Variants in APBB2 observed in about 807,000 individuals in gnomAD.
APBB2 encodes amyloid beta precursor protein binding family B member 2, also known as Fe65-like 1.
APBB2 carries 38 observed loss-of-function variants against 82.5 expected under a neutral mutation model. That is an observed-to-expected ratio of 0.46 (90% CI 0.36 to 0.60). The LOEUF is 0.60. Ranked by LOEUF, APBB2 falls within the 20% of genes least tolerant of loss-of-function variation. The pLI is 0.00. For synonymous variants in APBB2, 341 were observed against 368.2 expected (o/e 0.93, Z 0.85); for missense variants, 772 against 972.3 (o/e 0.79, Z 2.74).
intron 6 of APBB2, among the ~76,000 whole-genome samples, chr4:40,975,406 C>A (rs1200319747): frequency 1.3e-5 from 2 of 152,132 alleles, no homozygotes; most frequent in African/African-American, 4.8e-5. Flanking sequence ...CTCCCCTGCA[C>A]CACAGTGCTT....
At chr4:40,928,005 A>T (rs1018913026) in intron 10 of APBB2, among the ~76,000 whole-genome samples, 8 of 152,220 alleles carry the variant, frequency 5.3e-5, no homozygotes, top group African/African-American at 1.9e-4. Flanking sequence ...AAAGGGCTAA[A>T]TTCCAAATCT....
chr4:41,070,503 C>G (rs1733441910), intron 3 of APBB2, among the ~76,000 whole-genome samples: 1 of 152,066 alleles, frequency 6.6e-6, no homozygotes, highest in Non-Finnish European at 1.5e-5. Flanking sequence ...GGTTTTACCA[C>G]ATTGGCCAGG....
intron 6 of APBB2, among the ~76,000 whole-genome samples, chr4:40,955,785 T>C (rs1791471187): frequency 6.6e-6 from 1 of 151,990 alleles, no homozygotes; most frequent in Non-Finnish European, 1.5e-5. Context: ...TTTCTTTTTT[T>C]TTTTCTTTGA....
intron 3 of APBB2, among the ~76,000 whole-genome samples, chr4:41,097,065 T>C (rs568580137): frequency 1.5e-4 from 23 of 152,376 alleles, no homozygotes; most frequent in Admixed American, 1.4e-3. Context: ...TTCCAAAATC[T>C]ATCAGTGTTC....
At chr4:41,203,800 C>G (rs1777295422) in intron 1 of APBB2, among the ~76,000 whole-genome samples, 1 of 152,204 alleles carries the variant, frequency 6.6e-6, no homozygotes, top group African/African-American at 2.4e-5. Context: ...CAATCCTCTC[C>G]TCAGTCAAAC....
At chr4:40,841,527 CCTT>C (rs1171640111) in intron 12 of APBB2, among the ~76,000 whole-genome samples, 2 of 152,038 alleles carry the variant, frequency 1.3e-5, no homozygotes, top group Non-Finnish European at 2.9e-5. Context: ...GTGGTTCTAT[CCTT>C]CTTGTGGTGG....
chr4:41,013,554 A>C lies in APBB2; in HGVS notation c.835+29T>G, dbSNP rs776654861. ...GAAAAGATAAAAAAAAAAAAGTGCC[A>C]GCTGAGGCTACGCCTTCCCCAGGGG... On this transcript the variant is annotated intron_variant, in intron 6 of 17. Coordinates refer to ENST00000508593, the MANE Select transcript of APBB2 (RefSeq NM_004307.2). 5.0e-5 allele frequency: 79 copies of C among 1,567,462 alleles called. No homozygotes were observed. The Middle Eastern group carries it at 9.2e-4, about 18-fold the overall frequency.
chr4:41,059,279 G>A (rs1728912432), intron 4 of APBB2, among the ~76,000 whole-genome samples: 1 of 152,230 alleles, frequency 6.6e-6, no homozygotes, highest in African/African-American at 2.4e-5. Context: ...TGGCCAACAT[G>A]GTGAAAACCC....
intron 6 of APBB2, among the ~76,000 whole-genome samples, chr4:40,971,204 T>G (rs1245523294): frequency 1.3e-5 from 2 of 152,200 alleles, no homozygotes; most frequent in African/African-American, 4.8e-5. Context: ...TTCTTTCTTA[T>G]GAGACTCGAA....
At chr4:40,988,411 G>A (rs146236217) in intron 6 of APBB2, among the ~76,000 whole-genome samples, 1 of 151,936 alleles carries the variant, frequency 6.6e-6, no homozygotes, top group East Asian at 2.0e-4. Flanking sequence ...GGAGGCAGGC[G>A]GATCACCTAA....
intron 3 of APBB2, among the ~76,000 whole-genome samples, chr4:41,066,588 G>A (rs1020784772): frequency 1.3e-5 from 2 of 152,310 alleles, no homozygotes; most frequent in Admixed American, 6.5e-5. Context: ...GGTCAGGGAG[G>A]CCTTCCAAGA....
intron 12 of APBB2, among the ~76,000 whole-genome samples, chr4:40,831,049 T>C (rs1226903736): frequency 6.6e-6 from 1 of 152,152 alleles, no homozygotes; most frequent in Non-Finnish European, 1.5e-5. Context: ...CAGTGAGCTA[T>C]AATCGTACCA....
intron 10 of APBB2, among the ~76,000 whole-genome samples, chr4:40,900,802 T>C (rs542395244): frequency 5.0e-4 from 76 of 151,544 alleles, no homozygotes; most frequent in African/African-American, 1.7e-3. Context: ...GGACAGTTTC[T>C]TAAAAACATG....
At chr4:40,851,738 A>ATTTT (rs869027470) in intron 12 of APBB2, among the ~76,000 whole-genome samples, 1 of 67,736 alleles carries the variant, frequency 1.5e-5, no homozygotes, top group African/African-American at 4.9e-5. Context: ...ATATATATAT[A>ATTTT]TTTTTTTTTT....
In APBB2 at chr4:41,120,711, C is replaced by T. The variant is rs1255928578; in HGVS notation, c.-260-19961G>A. Among the ~76,000 whole-genome samples the T allele has an allele frequency of 2.0e-5, 3 of 152,100 alleles. No individual in the cohort carries two copies. The East Asian group carries it at 5.8e-4, about 29-fold the overall frequency. Reference sequence around the variant, plus strand: ...GGGGAGAAAAATGAGTTTCACCATCCGTACAGCTTGGGCTGCTTTCACAGG... The same window carrying T: ...GGGGAGAAAAATGAGTTTCACCATCTGTACAGCTTGGGCTGCTTTCACAGG... On this transcript the variant is annotated intron_variant, in intron 2 of 17. Coordinates refer to ENST00000508593, the MANE Select transcript of APBB2 (RefSeq NM_004307.2).
At chr4:41,128,982 C>G (rs2154003097) in intron 2 of APBB2, among the ~76,000 whole-genome samples, 1 of 152,236 alleles carries the variant, frequency 6.6e-6, no homozygotes, top group South Asian at 2.1e-4. Flanking sequence ...CAGTGACGAG[C>G]CAGAAGACTC....
chr4:40,842,241 A>G (rs1162160187), intron 12 of APBB2: 2 of 363,526 alleles, frequency 5.5e-6, no homozygotes, highest in Non-Finnish European at 1.1e-5. Context: ...ACAAAACAAA[A>G]CAAAAGTTCT....
intron 4 of APBB2, among the ~76,000 whole-genome samples, chr4:41,037,675 A>G (rs946608469): frequency 5.3e-5 from 8 of 152,292 alleles, no homozygotes; most frequent in African/African-American, 1.9e-4. Context: ...TGTGGCTTGC[A>G]TTCTATTTCT....
At chr4:40,857,943 G>A (rs1761810065) in intron 12 of APBB2, among the ~76,000 whole-genome samples, 1 of 152,128 alleles carries the variant, frequency 6.6e-6, no homozygotes, top group African/African-American at 2.4e-5. Flanking sequence ...AGAAAATTCT[G>A]AATCGAGCTG....
Sources: allele counts gnomAD v4.1 joint callset (sites outside exome capture counted in the v4.1 genomes callset), GRCh38; gene constraint gnomAD v4.1.1; transcripts MANE v1.5; gene names NCBI Gene and HGNC (gene_info 2026-07-23, HGNC 2026-07-21).